The following KMT5B variants were observed in gnomAD, a reference collection of about 807,000 sequenced individuals.
KMT5B encodes lysine methyltransferase 5B.
Under a neutral mutation model 83.2 loss-of-function variants are expected in KMT5B, and 10 were observed. That is an observed-to-expected ratio of 0.12 (90% CI 0.07 to 0.20). KMT5B has a LOEUF of 0.20. Among genes scored for constraint, KMT5B ranks in the 10% least tolerant of loss-of-function variants. KMT5B has a pLI of 1.00. For missense variants in KMT5B, 753 were observed against 1,067.2 expected (o/e 0.71, Z 4.10); for synonymous variants, 349 against 388.8 (o/e 0.90, Z 1.20).
Position 68,209,142 on chromosome 11 carries a change from C to T in KMT5B, c.-77+3996G>A, listed in dbSNP as rs560417776. Among the ~76,000 whole-genome samples, 5 of 152,232 alleles carry T rather than the reference C, an allele frequency of 3.3e-5. No homozygotes were observed. In the South Asian group the frequency reaches 8.3e-4, roughly 25 times the overall value. On this transcript the variant is annotated intron_variant, in intron 1 of 10. Transcript: ENST00000304363. ...CCATATGATGCAACATAAACATTGCCTCGAAAATAAAAATACTCCTCAGAG... is the reference window on the plus strand; with the variant it reads ...CCATATGATGCAACATAAACATTGCTTCGAAAATAAAAATACTCCTCAGAG...
chr11:68,194,368 T>G (rs1858462347), intron 1 of KMT5B, among the ~76,000 whole-genome samples: 1 of 151,946 alleles, frequency 6.6e-6, no homozygotes, highest in Admixed American at 6.6e-5. Flanking sequence ...ATTTTTGTAT[T>G]TTTTAGTAGA....
Position 68,157,883 on chromosome 11 carries a change from A to G in KMT5B, c.2463T>C (p.Tyr821=), listed in dbSNP as rs1446907027. The change falls in exon 11 of 11, where the codon TAT becomes TAC. Residue 821 remains tyrosine (Y), a synonymous_variant. Transcript: ENST00000304363. ...AGGAATCATCTGTACTTTCTTCCTC[A>G]TACTGACTATAGTCATCCACCTCCA... ...SRMEVDDYSQ[Y]EEESTDDSSS... is the part of the protein sequence containing the mutation. 1 of 1,614,066 alleles carries G rather than the reference A, an allele frequency of 6.2e-7. No homozygotes were observed. Among genetic ancestry groups the G allele is most frequent in the Admixed American group, 1.7e-5 (1 of 60,024 alleles).
At chr11:68,173,366 G>A (rs914552659) in intron 6 of KMT5B, among the ~76,000 whole-genome samples, 2 of 152,088 alleles carry the variant, frequency 1.3e-5, no homozygotes, top group African/African-American at 4.8e-5. Context: ...ATTGAAGCTG[G>A]CATATATACA....
In KMT5B at chr11:68,173,790, A is replaced by G. The variant is rs746700667; in HGVS notation, c.653+14T>C. ...TTAAATTAAATTAAAGGCTTATACT[A>G]GTAGAATAGTTACCACTCTTTTGTT... On this transcript the variant is annotated intron_variant, in intron 6 of 10. Transcript: ENST00000304363. The G allele has an allele frequency of 1.4e-6, 2 of 1,416,658 alleles. No homozygotes were observed. The highest frequency in any genetic ancestry group is 2.0e-6 in the Non-Finnish European group (2 of 1,013,072). 87.8% of individuals were successfully genotyped at this position (1,416,658 alleles called of 1,614,324 possible). A position where few individuals can be genotyped will look rare whatever the true frequency, so the allele number is the denominator to read the frequency against.
rs1023824250 is a variant in KMT5B, at chr11:68,155,628, A to C, written c.*2060T>G. 3 of 152,224 alleles carry C rather than the reference A, an allele frequency of 2.0e-5. No homozygotes were observed. The East Asian group carries it at 5.8e-4, about 29-fold the overall frequency. The allele number at this position is 152,224 out of a possible 1,614,324, so 9.4% of individuals were successfully genotyped here. A position where few individuals can be genotyped will look rare whatever the true frequency, so the allele number is the denominator to read the frequency against. On this transcript the variant is annotated 3_prime_UTR_variant, in exon 11 of 11. Transcript: ENST00000304363. ...TACAAGAGGTGACCCGCTGCCCTCCAGCACCTCCAGACACAGGGTCTACCT... is the reference window on the plus strand; with the variant it reads ...TACAAGAGGTGACCCGCTGCCCTCCCGCACCTCCAGACACAGGGTCTACCT...
At chr11:68,212,545 C>G (rs1045013944) in intron 1 of KMT5B, 1 of 152,318 alleles carries the variant, frequency 6.6e-6, no homozygotes, top group Non-Finnish European at 1.5e-5. Flanking sequence ...CCTTCCAAGG[C>G]GGAGGTGACA....
chr11:68,202,428 A>G (rs1859553415), intron 1 of KMT5B, among the ~76,000 whole-genome samples: 1 of 151,256 alleles, frequency 6.6e-6, no homozygotes, highest in Non-Finnish European at 1.5e-5. Context: ...AGCTATATAG[A>G]TTTCCTTGTT....
intron 10 of KMT5B, chr11:68,166,240 G>A (rs1040163388): frequency 2.2e-5 from 27 of 1,220,910 alleles, no homozygotes; most frequent in Middle Eastern, 3.3e-4. Context: ...TCAAAGCTCC[G>A]CAAACAGGAT....
chr11:68,160,913 C>T (rs1169119729), intron 10 of KMT5B, among the ~76,000 whole-genome samples: 1 of 152,216 alleles, frequency 6.6e-6, no homozygotes, highest in East Asian at 1.9e-4. Context: ...CACGATTGTA[C>T]TCCAGCCTGG....
chr11:68,164,194 G>T (rs1048304339), intron 10 of KMT5B, among the ~76,000 whole-genome samples: 3 of 152,180 alleles, frequency 2.0e-5, no homozygotes, highest in African/African-American at 7.2e-5. Context: ...TCACACCATA[G>T]CTCTCAAGGT....
chr11:68,193,104 C>A (rs1355914633), intron 1 of KMT5B, among the ~76,000 whole-genome samples: 1 of 152,154 alleles, frequency 6.6e-6, no homozygotes, highest in Non-Finnish European at 1.5e-5. Context: ...ACTAAAAAGG[C>A]CCTACGATAA....
chr11:68,176,063 C>T (rs1242807376), intron 4 of KMT5B, among the ~76,000 whole-genome samples: 2 of 151,936 alleles, frequency 1.3e-5, no homozygotes, highest in East Asian at 1.9e-4. Context: ...GACAGGCGTG[C>T]GCCACCATGC....
At chr11:68,173,953 T>C (rs1221808557) in intron 5 of KMT5B, 40 bp from the exon 6 acceptor site, 2 of 1,310,760 alleles carry the variant, frequency 1.5e-6, no homozygotes, top group Admixed American at 1.7e-5. Flanking sequence ...CTTTAAATGG[T>C]ATACCCTGCT....
At position 68,197,317 on chromosome 11, in the gene KMT5B, A is replaced by G. The variant is rs549474940; in HGVS notation, c.-76-7165T>C. Among the ~76,000 whole-genome samples the G allele has an allele frequency of 2.4e-3, 363 of 152,324 alleles. 2 individuals carry two copies. Among genetic ancestry groups the G allele is most frequent in the African/African-American group, 8.3e-3 (347 of 41,570 alleles). ...CAACCAAGATGTCTACTTGAGAGAA[A>G]GCAGAAAATTTGGGGATGAGGCCCA... On this transcript the variant is annotated intron_variant, in intron 1 of 10. Transcript: ENST00000304363.
At chr11:68,203,375 G>A (rs1859697597) in intron 1 of KMT5B, among the ~76,000 whole-genome samples, 2 of 152,346 alleles carry the variant, frequency 1.3e-5, no homozygotes, top group Admixed American at 6.5e-5. Context: ...CACATAAGCA[G>A]AATCGGTTTT....
Position 68,158,847 on chromosome 11 carries a change from G to T in KMT5B, c.1499C>A (p.Ala500Asp), listed in dbSNP as rs775896559. The change falls in exon 11 of 11, where the codon GCC (alanine) becomes GAC (aspartate). Residue 500 changes from alanine (A) to aspartate (D), a missense_variant. Physicochemically the swap from Ala to Asp is moderately radical, Grantham distance 126. Around this residue, in one of 9 missense-constraint regions of KMT5B, gnomAD observed 397 missense variants for 395.9 expected, o/e 1.00. Transcript: ENST00000304363. ...IKKDKEPEGP[A>D]QAAVASGCLT... ...GCACCCGCTGGCAACTGCGGCTTGGGCTGGTCCCTCTGGCTCCTTATCTTT... is the reference window on the plus strand; with the variant it reads ...GCACCCGCTGGCAACTGCGGCTTGGTCTGGTCCCTCTGGCTCCTTATCTTT... 65 of 1,614,028 alleles carry T rather than the reference G, an allele frequency of 4.0e-5. No individual in the cohort carries two copies. Among genetic ancestry groups the T allele is most frequent in the Non-Finnish European group, 5.5e-5 (65 of 1,180,046 alleles).
chr11:68,213,443 GCCCGCCCCCGCGC>G (rs1257589617), upstream of KMT5B: 2 of 142,692 alleles, frequency 1.4e-5, no homozygotes, highest in East Asian at 2.1e-4. Context: ...CGCCCCCGGC[GCCCGCCCCCGCGC>G]CCCGCCACCC....
At chr11:68,201,393 C>T (rs1281144949) in intron 1 of KMT5B, among the ~76,000 whole-genome samples, 2 of 152,226 alleles carry the variant, frequency 1.3e-5, no homozygotes, top group African/African-American at 2.4e-5. Context: ...CATAACCATG[C>T]CTGTTCTATG....
intron 1 of KMT5B, among the ~76,000 whole-genome samples, chr11:68,198,544 C>T (rs374718475): frequency 6.6e-6 from 1 of 152,182 alleles, no homozygotes; most frequent in South Asian, 2.1e-4. Context: ...CACAGAGGTG[C>T]CCCCTCCCAA....
Sources: gnomAD v4.1 joint callset for allele counts (sites outside exome capture counted in the v4.1 genomes callset) on GRCh38, gnomAD v4.1.1 for gene constraint, gnomAD v4.1.1 regional missense constraint, MANE v1.5 for transcripts, NCBI Gene and HGNC (gene_info 2026-07-23, HGNC 2026-07-21) for gene names.